WDR70: variants seen among roughly 807,000 people sequenced by gnomAD.
The protein encoded by WDR70 is WD repeat-containing protein 70.
In WDR70, 53 loss-of-function variants were observed where a neutral mutation model predicts 88.6. That is an observed-to-expected ratio of 0.60 (90% CI 0.48 to 0.75). The LOEUF (loss-of-function observed/expected upper bound fraction) is 0.75. WDR70 is among the 30% of genes least tolerant of loss of function. WDR70 has a pLI of 0.00. For synonymous variants in WDR70, 280 were observed against 270.0 expected (o/e 1.04, Z -0.36); for missense variants, 610 against 823.2 (o/e 0.74, Z 3.17).
At chr5:37,396,976 C>G (rs1189124798) in intron 5 of WDR70, among the ~76,000 whole-genome samples, 1 of 152,128 alleles carries the variant, frequency 6.6e-6, no homozygotes, top group Admixed American at 6.6e-5. Context: ...AACTCTGTTT[C>G]TACAAAAATG....
At chr5:37,398,651 A>G (rs1407147538) in intron 5 of WDR70, among the ~76,000 whole-genome samples, 1 of 152,200 alleles carries the variant, frequency 6.6e-6, no homozygotes, top group African/African-American at 2.4e-5. Context: ...TAACAGATCT[A>G]TAGTATATAT....
At chr5:37,725,661 A>C (rs1368700842) in intron 16 of WDR70, among the ~76,000 whole-genome samples, 1 of 152,066 alleles carries the variant, frequency 6.6e-6, no homozygotes, top group Non-Finnish European at 1.5e-5. Flanking sequence ...TTGCATATCT[A>C]TCTTAATTAT....
chr5:37,617,000 G>T (rs374749156), intron 10 of WDR70, among the ~76,000 whole-genome samples: 6 of 152,180 alleles, frequency 3.9e-5, no homozygotes, highest in East Asian at 1.9e-4. Context: ...ATTTTTAGCC[G>T]ATTCTTTTCC....
intron 10 of WDR70, among the ~76,000 whole-genome samples, chr5:37,634,639 T>C (rs1744909003): frequency 6.6e-6 from 1 of 152,120 alleles, no homozygotes; most frequent in Non-Finnish European, 1.5e-5. Flanking sequence ...AGTCCAGTCT[T>C]AAGTGAGATG....
chr5:37,590,404 T>C (rs115575271), intron 9 of WDR70, among the ~76,000 whole-genome samples: 56 of 152,326 alleles, frequency 3.7e-4, no homozygotes, highest in African/African-American at 1.3e-3. Context: ...CTTCTTTTAG[T>C]TGGGAGAGTG....
chr5:37,521,737 CA>C (rs778163000), intron 9 of WDR70, among the ~76,000 whole-genome samples: 5,663 of 149,920 alleles, frequency 0.038, 136 homozygotes, highest in African/African-American at 0.049. Flanking sequence ...CACACACACA[CA>C]CACCCACATG....
intron 9 of WDR70, among the ~76,000 whole-genome samples, chr5:37,566,334 T>G (rs1202316160): frequency 2.0e-5 from 3 of 152,160 alleles, no homozygotes; most frequent in Non-Finnish European, 4.4e-5. Flanking sequence ...TGTACTTTAA[T>G]TAGGTATGAT....
intron 10 of WDR70, among the ~76,000 whole-genome samples, chr5:37,695,374 G>T (rs1746951280): frequency 1.3e-5 from 2 of 152,078 alleles, no homozygotes; most frequent in Admixed American, 1.3e-4. Flanking sequence ...CATATCCCAT[G>T]GCTTATACAG....
chr5:37,447,290 T>A (rs976687167), intron 7 of WDR70, among the ~76,000 whole-genome samples: 7 of 152,018 alleles, frequency 4.6e-5, no homozygotes, highest in African/African-American at 1.7e-4. Context: ...AGGAAACAAC[T>A]AGTGCTGGAG....
At chr5:37,561,276 CCT>C (rs1217235820) in intron 9 of WDR70, among the ~76,000 whole-genome samples, 2 of 152,170 alleles carry the variant, frequency 1.3e-5, no homozygotes, top group Admixed American at 1.3e-4. Flanking sequence ...TATCCTCTAT[CCT>C]CTCTCTCAAA....
chr5:37,592,459 A>G (rs917442372), intron 9 of WDR70, among the ~76,000 whole-genome samples: 20 of 152,204 alleles, frequency 1.3e-4, no homozygotes, highest in Non-Finnish European at 2.1e-4. Flanking sequence ...ATACAGTAAA[A>G]AAAAGTAATG....
rs1739613289 is a variant in WDR70 at position 37,479,997 on chromosome 5, A to C, written c.840+10A>C. The C allele has an allele frequency of 1.9e-6, 3 of 1,601,772 alleles. No homozygotes were observed. The highest frequency in any genetic ancestry group is 2.6e-6 in the Non-Finnish European group (3 of 1,174,518). ...CATGGCCAACACCAAGGTAAGCATT[A>C]AACAGAATATTTTAATGAATTAATT... On this transcript the variant is annotated intron_variant, in intron 8 of 17. Coordinates refer to ENST00000265107, the MANE Select transcript of WDR70 (RefSeq NM_018034.4).
Position 37,639,895 on chromosome 5 carries a change from T to C in WDR70, c.1092+34657T>C, listed in dbSNP as rs1010165250. ...ATTGCCAGAAGTGGTTTGAGCACTT[T>C]AAATTTATTATTTCATTTAATTTTC... On this transcript the variant is annotated intron_variant, in intron 10 of 17. Transcript: ENST00000265107. 2.0e-5 allele frequency among the ~76,000 whole-genome samples: 3 copies of C among 152,228 alleles called. No individual in the cohort carries two copies. In the South Asian group the frequency reaches 6.2e-4, roughly 31 times the overall value.
chr5:37,461,545 G>T (rs1192248934), intron 7 of WDR70, among the ~76,000 whole-genome samples: 3 of 151,866 alleles, frequency 2.0e-5, no homozygotes, highest in Non-Finnish European at 2.9e-5. Flanking sequence ...GTGCAGTGGC[G>T]CCATCTCCGC....
intron 10 of WDR70, among the ~76,000 whole-genome samples, chr5:37,606,578 G>A (rs1174121897): frequency 1.3e-5 from 2 of 152,064 alleles, no homozygotes; most frequent in African/African-American, 4.8e-5. Flanking sequence ...TTTGTCTTGT[G>A]TATCTTGAAA....
intron 9 of WDR70, among the ~76,000 whole-genome samples, chr5:37,582,690 A>T (rs567307773): frequency 6.6e-6 from 1 of 152,382 alleles, no homozygotes; most frequent in Non-Finnish European, 1.5e-5. Flanking sequence ...AGCCCTTAAC[A>T]TAGTGCTGAT....
intron 10 of WDR70, among the ~76,000 whole-genome samples, chr5:37,660,151 T>A (rs948885464): frequency 6.6e-6 from 1 of 152,212 alleles, no homozygotes; most frequent in African/African-American, 2.4e-5. Context: ...AGTTCTATTT[T>A]AATCCCATTG....
At chr5:37,523,794 T>C (rs1741172838) in intron 9 of WDR70, among the ~76,000 whole-genome samples, 1 of 152,156 alleles carries the variant, frequency 6.6e-6, no homozygotes, top group Non-Finnish European at 1.5e-5. Context: ...AATGACCTGA[T>C]GGAGCTGAAA....
chr5:37,464,086 A>G (rs899746475), intron 7 of WDR70, among the ~76,000 whole-genome samples: 4 of 152,228 alleles, frequency 2.6e-5, no homozygotes, highest in Admixed American at 6.5e-5. Context: ...GACTGTTTCT[A>G]CTTTGTCTTC....
Sources: gnomAD v4.1 joint callset for allele counts (sites outside exome capture counted in the v4.1 genomes callset) on GRCh38, gnomAD v4.1.1 for gene constraint, MANE v1.5 for transcripts, NCBI Gene and HGNC (gene_info 2026-07-23, HGNC 2026-07-21) for gene names.